VPS13A: variants seen among roughly 807,000 people sequenced by gnomAD.
VPS13A encodes the protein vacuolar protein sorting 13 homolog A, also known as intermembrane lipid transfer protein VPS13A.
Under a neutral mutation model 390.9 loss-of-function variants are expected in VPS13A, and 264 were observed. The observed-to-expected ratio is 0.68, with a 90% CI of 0.61 to 0.75. The LOEUF (loss-of-function observed/expected upper bound fraction) is 0.75, where lower values mean the gene tolerates loss of function less well. VPS13A is among the 30% of genes least tolerant of loss of function. The pLI is 0.00. For synonymous variants in VPS13A, 1,231 were observed against 1,227.1 expected (o/e 1.00, Z -0.07); for missense variants, 3,409 against 3,733.9 (o/e 0.91, Z 2.27).
intron 5 of VPS13A, among the ~76,000 whole-genome samples, chr9:77,206,335 A>ATG (rs1221588850): frequency 1.3e-5 from 2 of 149,372 alleles, no homozygotes; most frequent in African/African-American, 2.4e-5. Flanking sequence ...TTTTTTATAT[A>ATG]TATATATATA....
intron 46 of VPS13A, among the ~76,000 whole-genome samples, chr9:77,336,340 C>T (rs1037583540): frequency 1.3e-5 from 2 of 151,274 alleles, no homozygotes; most frequent in African/African-American, 4.9e-5. Flanking sequence ...TATCCCAGAA[C>T]CTAAAGTATA....
intron 45 of VPS13A, among the ~76,000 whole-genome samples, chr9:77,331,530 G>A (rs186062600): frequency 2.5e-3 from 373 of 151,914 alleles, no homozygotes; most frequent in Non-Finnish European, 4.0e-3. Context: ...TTTACATTCT[G>A]TTCCTGTTTT....
chr9:77,336,254 A>G (rs1830531675), intron 46 of VPS13A, among the ~76,000 whole-genome samples: 1 of 152,144 alleles, frequency 6.6e-6, no homozygotes, highest in Admixed American at 6.5e-5. Flanking sequence ...CCTAATGTAG[A>G]TGATCGATTG....
chr9:77,341,690 C>CTTTTTTTTTTTTT (rs1830821898), intron 50 of VPS13A, among the ~76,000 whole-genome samples: 1 of 23,562 alleles, frequency 4.2e-5, no homozygotes, highest in Admixed American at 4.8e-4. Flanking sequence ...GGACATCTTT[C>CTTTTTTTTTTTTT]CTTTTTTTTT....
intron 50 of VPS13A, among the ~76,000 whole-genome samples, chr9:77,342,986 A>G (rs1830920795): frequency 1.3e-5 from 2 of 152,184 alleles, no homozygotes; most frequent in South Asian, 2.1e-4. Context: ...GAATGGAAAT[A>G]TGCTGAGCAC....
At chr9:77,226,372 A>T (rs529720991) in intron 14 of VPS13A, 94 bp from the exon 15 acceptor site, 1 of 1,202,014 alleles carries the variant, frequency 8.3e-7, no homozygotes, top group Admixed American at 1.8e-5. Flanking sequence ...CATTTTGCTC[A>T]AGAGGATAAG....
In VPS13A at chr9:77,323,080, T is replaced by C. The variant is rs537501546; in HGVS notation, c.5844T>C (p.His1948=). The C allele has an allele frequency of 4.4e-5, 71 of 1,612,210 alleles. No individual in the cohort carries two copies. The Middle Eastern group carries it at 6.6e-4, about 15-fold the overall frequency. ...LFFILLTPVN[H]STADKIPLTK... ...TACTTAATTTAGCACCTGTTAACCA[T>C]TCTACTGCTGATAAGATTCCTTTAA... Residue 1948 remains histidine (H), a synonymous_variant, in exon 45 of 72, where the codon CAT becomes CAC. Transcript: ENST00000360280.
chr9:77,379,918 A>G (rs72748210), intron 67 of VPS13A, among the ~76,000 whole-genome samples: 12,557 of 152,152 alleles, frequency 0.083, 628 homozygotes, highest in East Asian at 0.12. Context: ...TCTTTTATCT[A>G]GTTGGTATCC....
chr9:77,193,467 C>G (rs1035381427), intron 1 of VPS13A, among the ~76,000 whole-genome samples: 1 of 152,026 alleles, frequency 6.6e-6, no homozygotes, highest in African/African-American at 2.4e-5. Context: ...AACCCTGTCT[C>G]TAATTAAAAT....
intron 1 of VPS13A, among the ~76,000 whole-genome samples, chr9:77,183,920 A>G (rs11145323): frequency 0.2 from 31,135 of 152,180 alleles, 3,379 homozygotes; most frequent in Middle Eastern, 0.26. Flanking sequence ...GTTTTGTCAC[A>G]TACCTGTCCA....
Position 77,366,842 on chromosome 9 carries a change from C to A in VPS13A, c.8441C>A (p.Thr2814Lys), listed in dbSNP as rs761857405. Residue 2814 changes from threonine (T) to lysine (K), a missense_variant, in exon 61 of 72, where the codon ACA (threonine) becomes AAA (lysine). By Grantham distance (78) the Thr-to-Lys change is moderately conservative. Transcript: ENST00000360280. ...CTTTTGCTGAAGAGTATTGGTGCCA[C>A]ACTGACAGATGTACAAGATGTAGTT... ...LNLLLKSIGATLTDVQDVVFK... is the reference protein window; with the variant it reads ...LNLLLKSIGAKLTDVQDVVFK... 6.2e-7 allele frequency: 1 copy of A among 1,613,204 alleles called. No individual in the cohort carries two copies. Among genetic ancestry groups the A allele is most frequent in the Admixed American group, 1.7e-5 (1 of 59,994 alleles).
chr9:77,245,911 T>A (rs1824778155), intron 19 of VPS13A, among the ~76,000 whole-genome samples: 1 of 152,192 alleles, frequency 6.6e-6, no homozygotes, highest in Non-Finnish European at 1.5e-5. Context: ...ATGCTTCCAC[T>A]CATGGCAGAA....
intron 10 of VPS13A, among the ~76,000 whole-genome samples, chr9:77,218,112 CTT>C (rs1190614257): frequency 4.3e-5 from 6 of 138,206 alleles, no homozygotes; most frequent in Middle Eastern, 3.7e-3. Context: ...TCTTTGCCCA[CTT>C]TTTTTTTTTT....
intron 32 of VPS13A, among the ~76,000 whole-genome samples, chr9:77,294,707 C>T (rs1302567813): frequency 1.3e-5 from 2 of 151,954 alleles, no homozygotes; most frequent in Non-Finnish European, 2.9e-5. Context: ...AATTTCTTCT[C>T]TTTTAAAAAA....
intron 63 of VPS13A, 37 bp downstream of exon 63, chr9:77,369,449 C>T (rs773015925): frequency 7.7e-7 from 1 of 1,298,034 alleles, no homozygotes; most frequent in East Asian, 2.3e-5. Flanking sequence ...CAATATGTCA[C>T]TAATACTTTT....
chr9:77,240,477 T>TG (rs1491151990), intron 19 of VPS13A, among the ~76,000 whole-genome samples: 1 of 111,528 alleles, frequency 9.0e-6, no homozygotes, highest in Non-Finnish European at 1.9e-5. Flanking sequence ...GTTATGTTTT[T>TG]GTTTTTTTTT....
chr9:77,228,089 T>A (rs1036161267), intron 16 of VPS13A, 33 bp from the exon 17 acceptor site: 10 of 1,452,700 alleles, frequency 6.9e-6, no homozygotes, highest in Non-Finnish European at 9.4e-6. Context: ...TATATATATA[T>A]GTTTTCATTT....
chr9:77,368,730 C>T (rs1744856376), intron 62 of VPS13A, among the ~76,000 whole-genome samples: 1 of 152,126 alleles, frequency 6.6e-6, no homozygotes, highest in South Asian at 2.1e-4. Flanking sequence ...ACAGTGGTCA[C>T]AGATAATTGT....
intron 1 of VPS13A, among the ~76,000 whole-genome samples, chr9:77,195,565 C>T (rs556599610): frequency 1.3e-5 from 2 of 151,966 alleles, no homozygotes; most frequent in East Asian, 2.0e-4. Flanking sequence ...GACAAAACCC[C>T]GTCTCTACTA....
Sources: allele counts gnomAD v4.1 joint callset (sites outside exome capture counted in the v4.1 genomes callset), GRCh38; gene constraint gnomAD v4.1.1; transcripts MANE v1.5; gene names NCBI Gene and HGNC (gene_info 2026-07-23, HGNC 2026-07-21).